Variants in NALCN observed in about 807,000 individuals in gnomAD.
The protein encoded by NALCN is sodium leak channel, non-selective.
A neutral mutation model predicts 225.3 loss-of-function variants in NALCN; 111 were observed. The observed-to-expected ratio is 0.49, with a 90% CI of 0.42 to 0.58. The LOEUF is 0.58. Ranked by LOEUF, NALCN falls within the 20% of genes least tolerant of loss-of-function variation. NALCN has a pLI of 0.00. For missense variants in NALCN, 1,378 were observed against 2,202.4 expected (o/e 0.63, Z 7.49); for synonymous variants, 764 against 769.0 (o/e 0.99, Z 0.11).
Position 101,187,458 on chromosome 13 carries a change from T to A in NALCN, c.1764+4459A>T, listed in dbSNP as rs535768863. Among the ~76,000 whole-genome samples the A allele has an allele frequency of 8.8e-4, 134 of 152,206 alleles. No homozygotes were observed. In the Middle Eastern group the frequency reaches 0.01, roughly 12 times the overall value. On this transcript the variant is annotated intron_variant, in intron 14 of 43. Transcript: ENST00000251127. Reference sequence around the variant, plus strand: ...ATGTCAAAAGACATCACAGACAAACTGGAAGACAAAATACTGCCTAAGAGA... The same window carrying A: ...ATGTCAAAAGACATCACAGACAAACAGGAAGACAAAATACTGCCTAAGAGA...
chr13:101,212,238 A>G (rs1398746285), intron 13 of NALCN, among the ~76,000 whole-genome samples: 1 of 152,182 alleles, frequency 6.6e-6, no homozygotes, highest in Non-Finnish European at 1.5e-5. Flanking sequence ...ACAAATCTTT[A>G]TAAAGCTCTG....
intron 12 of NALCN, among the ~76,000 whole-genome samples, chr13:101,231,602 T>C (rs993081505): frequency 4.6e-5 from 7 of 152,184 alleles, no homozygotes; most frequent in Admixed American, 6.5e-5. Flanking sequence ...TTCAGAGATA[T>C]TAACATAGGA....
chr13:101,345,141 T>C, intron 7 of NALCN, 125 bp downstream of exon 7: 4 of 1,021,664 alleles, frequency 3.9e-6, no homozygotes, highest in Non-Finnish European at 5.5e-6. Context: ...GAATTAAAAT[T>C]TATATTTGTA....
At chr13:101,414,560 A>AAAAG (rs2047879909) in intron 1 of NALCN, among the ~76,000 whole-genome samples, 1 of 152,042 alleles carries the variant, frequency 6.6e-6, no homozygotes, top group African/African-American at 2.4e-5. Context: ...GAATGATAAA[A>AAAAG]TCACCTGGAA....
chr13:101,402,533 A>G (rs1257768481), intron 1 of NALCN, among the ~76,000 whole-genome samples: 1 of 152,108 alleles, frequency 6.6e-6, no homozygotes, highest in African/African-American at 2.4e-5. Flanking sequence ...TTGCAACACT[A>G]TGGGTCATTT....
chr13:101,298,231 C>A lies in NALCN; in HGVS notation c.800-5865G>T, dbSNP rs371292785. On this transcript the variant is annotated intron_variant, in intron 7 of 43. Transcript: ENST00000251127. Reference sequence around the variant, plus strand: ...TTTCACATGTGCATGATTAGAAGTACAACTTGTTCAAGATGGGGTGGGTTG... The same window carrying A: ...TTTCACATGTGCATGATTAGAAGTAAAACTTGTTCAAGATGGGGTGGGTTG... 3.7e-4 allele frequency among the ~76,000 whole-genome samples: 57 copies of A among 152,222 alleles called. 1 individual carries two copies. The highest frequency in any genetic ancestry group is 1.2e-3 in the African/African-American group (51 of 41,532).
At chr13:101,057,026 C>A (rs1228749760) in intron 43 of NALCN, 1 of 152,184 alleles carries the variant, frequency 6.6e-6, no homozygotes, top group Non-Finnish European at 1.5e-5. Context: ...TGGTGGTAGT[C>A]CCAGTGAAGA....
At chr13:101,057,869 C>CA (rs1388348454) in intron 43 of NALCN, 70 bp downstream of exon 43, 1 of 1,259,484 alleles carries the variant, frequency 7.9e-7, no homozygotes, top group East Asian at 2.3e-5. Flanking sequence ...AGGCAAGACC[C>CA]AAAACACACA....
chr13:101,230,949 AT>A (rs1435940855), intron 12 of NALCN, among the ~76,000 whole-genome samples: 1 of 152,130 alleles, frequency 6.6e-6, no homozygotes, highest in African/African-American at 2.4e-5. Flanking sequence ...CCTTTTCTAT[AT>A]TTAGCTATGT....
intron 6 of NALCN, among the ~76,000 whole-genome samples, chr13:101,366,325 C>T (rs889370347): frequency 3.3e-5 from 5 of 152,148 alleles, no homozygotes; most frequent in African/African-American, 1.2e-4. Context: ...AAAAGCAAAA[C>T]TGTATATATT....
intron 10 of NALCN, 79 bp from the exon 11 acceptor site, chr13:101,258,653 A>G (rs1432463028): frequency 1.5e-4 from 239 of 1,584,458 alleles, no homozygotes; most frequent in Non-Finnish European, 1.9e-4. Flanking sequence ...TCCTTGGCTG[A>G]CAGCACCTTT....
chr13:101,344,829 C>T (rs1179541079), intron 7 of NALCN, among the ~76,000 whole-genome samples: 1 of 152,108 alleles, frequency 6.6e-6, no homozygotes, highest in East Asian at 1.9e-4. Context: ...AATCAAGGAG[C>T]ACTTTTCAGC....
At chr13:101,275,125 G>A (rs1352441759) in intron 10 of NALCN, among the ~76,000 whole-genome samples, 1 of 152,094 alleles carries the variant, frequency 6.6e-6, no homozygotes, top group Non-Finnish European at 1.5e-5. Context: ...TGTTTCTGAT[G>A]CCCCCACGCA....
Position 101,136,702 on chromosome 13 carries a change from CATT to C in NALCN, c.2118+6375_2118+6377del, listed in dbSNP as rs564262070. Among the ~76,000 whole-genome samples the C allele has an allele frequency of 2.3e-3, 351 of 152,250 alleles. 6 individuals are homozygous for C. Among genetic ancestry groups the C allele is most frequent in the Non-Finnish European group, 5.7e-4 (39 of 68,026 alleles). ...GCCACATTTTCTTAATCCAGTCTAT[CATT>C]GATGGACATTTGGGTTGGTTCCAGG... On this transcript the variant is annotated intron_variant, in intron 17 of 43. Transcript: ENST00000251127.
intron 13 of NALCN, among the ~76,000 whole-genome samples, chr13:101,201,968 G>T (rs2040140914): frequency 6.6e-6 from 1 of 152,096 alleles, no homozygotes; most frequent in Non-Finnish European, 1.5e-5. Context: ...TGCCTTGATG[G>T]TATTCACTGA....
At chr13:101,236,097 G>A (rs2041543309) in intron 12 of NALCN, among the ~76,000 whole-genome samples, 1 of 152,002 alleles carries the variant, frequency 6.6e-6, no homozygotes, top group Non-Finnish European at 1.5e-5. Context: ...TTATATAAAT[G>A]CGAAGGACAT....
chr13:101,395,875 T>A (rs1189087972), intron 2 of NALCN, among the ~76,000 whole-genome samples: 1 of 152,190 alleles, frequency 6.6e-6, no homozygotes, highest in African/African-American at 2.4e-5. Flanking sequence ...ATCATAGTAG[T>A]TAAGAAATGC....
At chr13:101,313,754 G>A (rs565435937) in intron 7 of NALCN, among the ~76,000 whole-genome samples, 44 of 152,224 alleles carry the variant, frequency 2.9e-4, no homozygotes, top group African/African-American at 6.0e-4. Context: ...TTGGTGTGGC[G>A]ATTCCTCAGG....
chr13:101,307,406 C>T (rs559719836), intron 7 of NALCN, among the ~76,000 whole-genome samples: 12 of 152,298 alleles, frequency 7.9e-5, no homozygotes, highest in East Asian at 7.7e-4. Flanking sequence ...ACTGGCAAGT[C>T]GTTCTTATCA....
Sources: gnomAD v4.1 joint callset for allele counts (sites outside exome capture counted in the v4.1 genomes callset) on GRCh38, gnomAD v4.1.1 for gene constraint, MANE v1.5 for transcripts, NCBI Gene and HGNC (gene_info 2026-07-23, HGNC 2026-07-21) for gene names.